SPI1: variants seen among roughly 807,000 people sequenced by gnomAD.
SPI1 encodes the protein transcription factor PU.1.
Under a neutral mutation model 30.7 loss-of-function variants are expected in SPI1, and 3 were observed. The observed-to-expected ratio is 0.10, with a 90% CI of 0.04 to 0.25. The LOEUF (loss-of-function observed/expected upper bound fraction) is 0.25. SPI1 is among the 10% of genes least tolerant of loss of function. SPI1 has a pLI of 1.00. For synonymous variants in SPI1, 169 were observed against 157.1 expected (o/e 1.08, Z -0.56); for missense variants, 261 against 371.5 (o/e 0.70, Z 2.45).
intron 2 of SPI1, among the ~76,000 whole-genome samples, chr11:47,361,977 C>T (rs1263597355): frequency 6.6e-6 from 1 of 152,154 alleles, no homozygotes; most frequent in Non-Finnish European, 1.5e-5. Flanking sequence ...CCAGACAACC[C>T]AGACTCCCAC....
intron 4 of SPI1, among the ~76,000 whole-genome samples, chr11:47,357,456 G>T (rs900591035): frequency 6.6e-6 from 1 of 150,710 alleles, no homozygotes; most frequent in East Asian, 2.0e-4. Flanking sequence ...CAACCACTCA[G>T]ACACCTACTT....
intron 2 of SPI1, among the ~76,000 whole-genome samples, chr11:47,370,181 T>C (rs1189680955): frequency 6.6e-6 from 1 of 151,950 alleles, no homozygotes; most frequent in African/African-American, 2.4e-5. Flanking sequence ...GGCCAGTGGA[T>C]CGCCTGAGGT....
intron 4 of SPI1, among the ~76,000 whole-genome samples, chr11:47,356,468 C>T (rs557966604): frequency 1.3e-5 from 2 of 151,700 alleles, no homozygotes; most frequent in South Asian, 2.1e-4. Flanking sequence ...TTACTGCCCC[C>T]ACACACGGTC....
At chr11:47,357,869 C>T (rs1174212493) in intron 4 of SPI1, among the ~76,000 whole-genome samples, 1 of 152,048 alleles carries the variant, frequency 6.6e-6, no homozygotes, top group Admixed American at 6.6e-5. Context: ...CCGGCCCACT[C>T]ACACCCATTC....
chr11:47,371,087 A>G (rs868566668), intron 2 of SPI1, among the ~76,000 whole-genome samples: 10 of 152,154 alleles, frequency 6.6e-5, no homozygotes, highest in Middle Eastern at 6.8e-3. Context: ...GAGGCCGGGC[A>G]CGGTGGCTCA....
Position 47,355,133 on chromosome 11 carries a change from G to A in SPI1, c.*94C>T, listed in dbSNP as rs1374670647. On this transcript the variant is annotated 3_prime_UTR_variant, in exon 5 of 5. Coordinates refer to ENST00000378538, the MANE Select transcript of SPI1 (RefSeq NM_003120.3). Reference sequence around the variant, plus strand: ...CGGCCCGCCACAGTCCTGCCTCTGGGCCCCGGGAGCGTCCTCCCTGTGTCC... The same window carrying A: ...CGGCCCGCCACAGTCCTGCCTCTGGACCCCGGGAGCGTCCTCCCTGTGTCC... 4.8e-6 allele frequency: 5 copies of A among 1,040,686 alleles called. No homozygotes were observed. In the African/African-American group the frequency reaches 6.8e-5, roughly 14 times the overall value. 64.5% of individuals were successfully genotyped at this position (1,040,686 alleles called of 1,614,324 possible). A position where few individuals can be genotyped will look rare whatever the true frequency, so the allele number is the denominator to read the frequency against.
At chr11:47,365,367 G>A (rs1042392178) in intron 2 of SPI1, among the ~76,000 whole-genome samples, 6 of 152,080 alleles carry the variant, frequency 3.9e-5, no homozygotes, top group Non-Finnish European at 5.9e-5. Flanking sequence ...GATCTCAATC[G>A]CTATTTGATT....
chr11:47,367,748 ATTTTTTTT>A (rs1173025260), intron 2 of SPI1, among the ~76,000 whole-genome samples: 9 of 64,782 alleles, frequency 1.4e-4, no homozygotes, highest in South Asian at 1.3e-3. Context: ...TGATGGTTAA[ATTTTTTTT>A]TTTTTTTTTT....
Position 47,375,185 on chromosome 11 carries a change from A to G in SPI1, c.142+448T>C, listed in dbSNP as rs1359359313. Among the ~76,000 whole-genome samples, 1 of 152,190 alleles carries G rather than the reference A, an allele frequency of 6.6e-6. No individual in the cohort carries two copies. The highest frequency in any genetic ancestry group is 2.4e-5 in the African/African-American group (1 of 41,452). ...AACCCTGCCAACCACACATGGCAGG[A>G]AGTGCGGATGTGCCGGCGGGGAGTT... On this transcript the variant is annotated intron_variant, in intron 2 of 4. Coordinates refer to ENST00000378538, the MANE Select transcript of SPI1 (RefSeq NM_003120.3). The surrounding 1 kb of genome is among the most constrained non-coding windows in gnomAD (Gnocchi z 4.2).
At chr11:47,367,961 G>A (rs2095930791) in intron 2 of SPI1, among the ~76,000 whole-genome samples, 1 of 151,948 alleles carries the variant, frequency 6.6e-6, no homozygotes, top group South Asian at 2.1e-4. Flanking sequence ...GTTTCACCAT[G>A]TTAGCCAGGT....
intron 2 of SPI1, among the ~76,000 whole-genome samples, chr11:47,361,342 A>T (rs1459034254): frequency 1.3e-5 from 2 of 152,132 alleles, no homozygotes; most frequent in Non-Finnish European, 2.9e-5. Flanking sequence ...GACCTTAAGC[A>T]GTGGCACCTG....
At chr11:47,355,571 AG>A (rs1277691740) in intron 4 of SPI1, 25 bp from the exon 5 acceptor site, 37 of 1,434,274 alleles carry the variant, frequency 2.6e-5, no homozygotes, top group Non-Finnish European at 3.2e-5. Flanking sequence ...GCCCGGTGGG[AG>A]GGGGCCCGGG....
Position 47,378,358 on chromosome 11 carries a change from C to T in SPI1, c.-5G>A. ...CATTTTGCACGCCTGTAACATCCAGCCGGGCTCCGAGTCGGTCAGATCCCC... is the reference window on the plus strand; with the variant it reads ...CATTTTGCACGCCTGTAACATCCAGTCGGGCTCCGAGTCGGTCAGATCCCC... On this transcript the variant is annotated 5_prime_UTR_variant, in exon 1 of 5. Transcript: ENST00000378538. 1.9e-6 allele frequency: 3 copies of T among 1,612,534 alleles called. No individual in the cohort carries two copies. Among genetic ancestry groups the T allele is most frequent in the Non-Finnish European group, 2.5e-6 (3 of 1,179,344 alleles).
At chr11:47,357,128 C>T (rs1202909687) in intron 4 of SPI1, among the ~76,000 whole-genome samples, 1 of 151,104 alleles carries the variant, frequency 6.6e-6, no homozygotes, top group Non-Finnish European at 1.5e-5. Context: ...CATGCTCACA[C>T]CTCACACATG....
In SPI1 at chr11:47,374,995, C is replaced by T. The variant is rs943858891; in HGVS notation, c.142+638G>A. ...CCCAATTAGGGGTGATTTTGCCTCC[C>T]GGGGGGATCTGCCAATGGGTGGAGA... On this transcript the variant is annotated intron_variant, in intron 2 of 4. Coordinates refer to ENST00000378538, the MANE Select transcript of SPI1 (RefSeq NM_003120.3). This position sits in a 1 kb window ranked among gnomAD's most constrained non-coding sequence, Gnocchi z 4.5. 1.3e-5 allele frequency among the ~76,000 whole-genome samples: 2 copies of T among 152,322 alleles called. No individual in the cohort carries two copies. The highest frequency in any genetic ancestry group is 1.9e-4 in the East Asian group (1 of 5,186).
rs976825689 is a variant in SPI1 at position 47,355,000 on chromosome 11, G to A, written c.*227C>T. On this transcript the variant is annotated 3_prime_UTR_variant, in exon 5 of 5. Transcript: ENST00000378538. ...TCCTCTGCAAGGTTGCCCCGGTGGG[G>A]TCTGACGCCCAGCTGGCGTCCGGGA... 26 of 345,180 alleles carry A rather than the reference G, an allele frequency of 7.5e-5. No individual in the cohort carries two copies. Among genetic ancestry groups the A allele is most frequent in the African/African-American group, 5.4e-4 (25 of 46,058 alleles). 21.4% of individuals were successfully genotyped at this position (345,180 alleles called of 1,614,324 possible).
In SPI1 at chr11:47,355,189, G is replaced by C; in HGVS notation, c.*38C>G. ...GGGCGAGGGCTTAATGCTATGGCCA[G>C]CGGGGAGGCCTGGCGGGGCCCGGCG... On this transcript the variant is annotated 3_prime_UTR_variant, in exon 5 of 5. Coordinates refer to ENST00000378538, the MANE Select transcript of SPI1 (RefSeq NM_003120.3). 7.7e-7 allele frequency: 1 copy of C among 1,306,384 alleles called. No homozygotes were observed. The highest frequency in any genetic ancestry group is 9.7e-7 in the Non-Finnish European group (1 of 1,030,558). The allele number at this position is 1,306,384 out of a possible 1,614,324, so 80.9% of individuals were successfully genotyped here. A position where few individuals can be genotyped will look rare whatever the true frequency, so the allele number is the denominator to read the frequency against.
intron 2 of SPI1, among the ~76,000 whole-genome samples, chr11:47,361,166 G>A (rs2142885911): frequency 6.6e-6 from 1 of 152,210 alleles, no homozygotes; most frequent in South Asian, 2.1e-4. Context: ...CCTCCCACGG[G>A]TTCCTGAGCT....
chr11:47,365,059 G>A (rs1327138899), intron 2 of SPI1, among the ~76,000 whole-genome samples: 2 of 152,176 alleles, frequency 1.3e-5, no homozygotes, highest in Admixed American at 1.3e-4. Context: ...CTGGTAGGCA[G>A]AAATATTCCA....
Sources: allele counts gnomAD v4.1 joint callset (sites outside exome capture counted in the v4.1 genomes callset), GRCh38; gene constraint gnomAD v4.1.1; non-coding constraint Gnocchi (gnomAD v3.1); transcripts MANE v1.5; gene names NCBI Gene and HGNC (gene_info 2026-07-23, HGNC 2026-07-21).